Variants in RIT2 observed in about 807,000 individuals in gnomAD.
RIT2 encodes the protein GTP-binding protein Rit2.
A neutral mutation model predicts 23.7 loss-of-function variants in RIT2; 24 were observed. The observed-to-expected ratio is 1.01, with a 90% CI of 0.73 to 1.43. The LOEUF (loss-of-function observed/expected upper bound fraction) is 1.43, where lower values mean the gene tolerates loss of function less well. Among genes scored for constraint, RIT2 ranks in the 40% most tolerant of loss-of-function variants. The pLI is 0.00. For missense variants in RIT2, 236 were observed against 266.9 expected, an observed-to-expected ratio of 0.88 and a Z score of 0.81; for synonymous variants, 107 against 91.1, an observed-to-expected ratio of 1.17 and a Z score of -0.99.
At chr18:42,803,870 A>G (rs1905605944) in intron 4 of RIT2, among the ~76,000 whole-genome samples, 1 of 152,214 alleles carries the variant, frequency 6.6e-6, no homozygotes, top group Admixed American at 6.5e-5. Context: ...TCTTTAAGAA[A>G]CAGAAGTTGT....
At chr18:42,858,536 A>T (rs1907246704) in intron 4 of RIT2, among the ~76,000 whole-genome samples, 1 of 152,232 alleles carries the variant, frequency 6.6e-6, no homozygotes, top group African/African-American at 2.4e-5. Context: ...TTTTTATAAA[A>T]GATGTATTGG....
At chr18:42,819,728 A>T (rs1408016847) in intron 4 of RIT2, among the ~76,000 whole-genome samples, 1 of 152,048 alleles carries the variant, frequency 6.6e-6, no homozygotes, top group Non-Finnish European at 1.5e-5. Context: ...CATTTTATTC[A>T]CCTGTTAAAT....
intron 1 of RIT2, among the ~76,000 whole-genome samples, chr18:43,097,366 A>G (rs62090498): frequency 6.6e-6 from 1 of 151,868 alleles, no homozygotes; most frequent in Non-Finnish European, 1.5e-5. Context: ...AGGAGGTTAA[A>G]TATACAAATC....
intron 4 of RIT2, among the ~76,000 whole-genome samples, chr18:42,794,906 A>C (rs1485904987): frequency 6.6e-6 from 1 of 152,254 alleles, no homozygotes; most frequent in Non-Finnish European, 1.5e-5. Flanking sequence ...CACTGGTGAG[A>C]GGCACATACC....
intron 4 of RIT2, among the ~76,000 whole-genome samples, chr18:42,781,264 C>A (rs1463417855): frequency 6.6e-6 from 1 of 152,044 alleles, no homozygotes; most frequent in East Asian, 1.9e-4. Flanking sequence ...TTTATATATT[C>A]TACAAGATCA....
intron 4 of RIT2, among the ~76,000 whole-genome samples, chr18:42,892,627 C>T (rs1340099540): frequency 6.6e-6 from 1 of 152,068 alleles, no homozygotes; most frequent in African/African-American, 2.4e-5. Context: ...AAGAAAATAC[C>T]CCAGTCATTT....
chr18:42,837,111 GTA>G (rs1906625758), intron 4 of RIT2, among the ~76,000 whole-genome samples: 1 of 131,496 alleles, frequency 7.6e-6, no homozygotes, highest in Non-Finnish European at 1.6e-5. Flanking sequence ...GAATATCATA[GTA>G]ATGTTAAAGT....
intron 2 of RIT2, among the ~76,000 whole-genome samples, chr18:43,010,236 G>C (rs1911320937): frequency 6.6e-6 from 1 of 151,736 alleles, no homozygotes. Flanking sequence ...CTTATAATGA[G>C]CCGTTTTTGT....
intron 1 of RIT2, among the ~76,000 whole-genome samples, chr18:43,035,166 G>A (rs1385764291): frequency 2.0e-5 from 3 of 152,262 alleles, no homozygotes; most frequent in Non-Finnish European, 2.9e-5. Flanking sequence ...GCTGAGAAAA[G>A]CAAAGAAATG....
At chr18:43,102,802 C>A (rs1913719305) in intron 1 of RIT2, among the ~76,000 whole-genome samples, 1 of 151,928 alleles carries the variant, frequency 6.6e-6, no homozygotes. Context: ...TACAGGAGTG[C>A]ACCACCAGAG....
At chr18:43,029,625 A>C (rs1458472529) in intron 2 of RIT2, among the ~76,000 whole-genome samples, 1 of 152,046 alleles carries the variant, frequency 6.6e-6, no homozygotes, top group African/African-American at 2.4e-5. Flanking sequence ...AGAGATAATG[A>C]AATAAAAGTA....
chr18:42,854,711 A>G (rs574709437), intron 4 of RIT2, among the ~76,000 whole-genome samples: 302 of 152,348 alleles, frequency 2.0e-3, no homozygotes, highest in African/African-American at 6.7e-3. Flanking sequence ...TATTTGCTCC[A>G]AGAAGATAAG....
chr18:42,901,426 A>G (rs1219367357), intron 4 of RIT2, among the ~76,000 whole-genome samples: 1 of 152,020 alleles, frequency 6.6e-6, no homozygotes, highest in Non-Finnish European at 1.5e-5. Context: ...TTAAAGAAGT[A>G]AAGCTTTAAT....
chr18:42,842,145 T>A (rs1168086189), intron 4 of RIT2, among the ~76,000 whole-genome samples: 1 of 152,218 alleles, frequency 6.6e-6, no homozygotes, highest in Non-Finnish European at 1.5e-5. Context: ...ATTCCTTTAA[T>A]GTCTTTGCCA....
At chr18:42,838,040 T>C (rs1190705880) in intron 4 of RIT2, among the ~76,000 whole-genome samples, 1 of 152,154 alleles carries the variant, frequency 6.6e-6, no homozygotes, top group Non-Finnish European at 1.5e-5. Context: ...TCAACACTGA[T>C]TAACCCCATC....
At chr18:42,810,427 T>G (rs974151365) in intron 4 of RIT2, among the ~76,000 whole-genome samples, 1 of 151,944 alleles carries the variant, frequency 6.6e-6, no homozygotes, top group Non-Finnish European at 1.5e-5. Flanking sequence ...CAGAAAAAAC[T>G]TATTAAAGTA....
At position 43,108,287 on chromosome 18, in the gene RIT2, C is replaced by T. The variant is rs866455856; in HGVS notation, c.103+7130G>A. Among the ~76,000 whole-genome samples, 3 of 152,096 alleles carry T rather than the reference C, an allele frequency of 2.0e-5. No individual in the cohort carries two copies. In the Middle Eastern group the frequency reaches 0.01, roughly 517 times the overall value. ...AAATAATGTAAACATCGAACTTAGA[C>T]ATCCATATGTAGGCACATTAGGTTC... On this transcript the variant is annotated intron_variant, in intron 1 of 4. Transcript: ENST00000326695.
At chr18:43,088,235 T>C (rs574209939) in intron 1 of RIT2, among the ~76,000 whole-genome samples, 9 of 152,346 alleles carry the variant, frequency 5.9e-5, no homozygotes, top group Admixed American at 1.3e-4. Context: ...AATGACATTA[T>C]CTGAAGCAGG....
At chr18:42,751,842 A>G (rs1026217512) in intron 4 of RIT2, among the ~76,000 whole-genome samples, 2 of 152,066 alleles carry the variant, frequency 1.3e-5, no homozygotes, top group African/African-American at 2.4e-5. Context: ...CTTAAAAATT[A>G]TCATCAGATC....
Sources: allele counts gnomAD v4.1 joint callset (sites outside exome capture counted in the v4.1 genomes callset), GRCh38; gene constraint gnomAD v4.1.1; transcripts MANE v1.5; gene names NCBI Gene and HGNC (gene_info 2026-07-23, HGNC 2026-07-21).